WWOX: variants seen among roughly 807,000 people sequenced by gnomAD.
WWOX encodes WW domain-containing oxidoreductase.
WWOX carries 69 observed loss-of-function variants against 46.2 expected under a neutral mutation model. That is an observed-to-expected ratio of 1.49 (90% CI 1.23 to 1.82). WWOX has a LOEUF of 1.82. Among genes scored for constraint, WWOX ranks in the 40% most tolerant of loss-of-function variants. The probability of loss-of-function intolerance (pLI) is 0.00; values close to 1 mark genes in which losing one functional copy is unlikely to be tolerated. For missense variants in WWOX, 919 were observed against 542.6 expected, an observed-to-expected ratio of 1.69 and a Z score of -6.89; for synonymous variants, 359 against 202.6, an observed-to-expected ratio of 1.77 and a Z score of -6.56.
At chr16:79,024,103 A>T (rs1048128794) in intron 8 of WWOX, among the ~76,000 whole-genome samples, 3 of 152,200 alleles carry the variant, frequency 2.0e-5, no homozygotes, top group African/African-American at 7.2e-5. Context: ...GCTGGGAAAG[A>T]GGGGACTAGA....
At chr16:79,173,595 TA>T (rs1028532755) in intron 8 of WWOX, among the ~76,000 whole-genome samples, 2 of 151,154 alleles carry the variant, frequency 1.3e-5, no homozygotes, top group Non-Finnish European at 2.9e-5. Flanking sequence ...CCACTGGAAA[TA>T]ACTATTTCCT....
intron 8 of WWOX, among the ~76,000 whole-genome samples, chr16:78,561,350 C>G (rs1038227578): frequency 6.6e-6 from 1 of 152,152 alleles, no homozygotes; most frequent in Non-Finnish European, 1.5e-5. Flanking sequence ...TGCTTTGAAT[C>G]TCTCTGACTT....
intron 6 of WWOX, among the ~76,000 whole-genome samples, chr16:78,409,964 C>T (rs1395953691): frequency 1.3e-5 from 2 of 152,208 alleles, no homozygotes; most frequent in African/African-American, 4.8e-5. Context: ...ATGTTTTTCT[C>T]CTGCACATGC....
intron 8 of WWOX, among the ~76,000 whole-genome samples, chr16:79,088,660 G>T (rs992940960): frequency 6.6e-6 from 1 of 152,144 alleles, no homozygotes; most frequent in African/African-American, 2.4e-5. Context: ...AACATCTGCA[G>T]GGGGGCTCCT....
chr16:78,136,942 A>G (rs2033813204), intron 4 of WWOX, among the ~76,000 whole-genome samples: 4 of 152,172 alleles, frequency 2.6e-5, no homozygotes, highest in Admixed American at 2.6e-4. Context: ...CAGCATGTTC[A>G]AGACAGTGCA....
At chr16:78,332,796 A>C (rs1246309530) in intron 5 of WWOX, among the ~76,000 whole-genome samples, 1 of 152,146 alleles carries the variant, frequency 6.6e-6, no homozygotes, top group African/African-American at 2.4e-5. Flanking sequence ...CATGGGTTCC[A>C]CAGGAAATAT....
chr16:79,058,261 C>T (rs1054151666), intron 8 of WWOX, among the ~76,000 whole-genome samples: 15 of 152,094 alleles, frequency 9.9e-5, no homozygotes, highest in Admixed American at 6.6e-5. Flanking sequence ...CTTTGCATCT[C>T]TGAGCCTCTA....
intron 8 of WWOX, among the ~76,000 whole-genome samples, chr16:78,934,508 CAAAAAAAAA>C (rs760272326): frequency 4.1e-5 from 3 of 73,906 alleles, no homozygotes; most frequent in Non-Finnish European, 5.0e-5. Flanking sequence ...AACCCTGTAT[CAAAAAAAAA>C]AAAAAAAAAA....
intron 6 of WWOX, among the ~76,000 whole-genome samples, chr16:78,423,296 A>G (rs1424664532): frequency 6.6e-6 from 1 of 152,118 alleles, no homozygotes; most frequent in African/African-American, 2.4e-5. Flanking sequence ...TATAACATAA[A>G]TGTTTTATAA....
chr16:78,266,585 G>T (rs1342936874), intron 5 of WWOX, among the ~76,000 whole-genome samples: 4 of 152,112 alleles, frequency 2.6e-5, no homozygotes, highest in Non-Finnish European at 5.9e-5. Flanking sequence ...GTCTAGTCTT[G>T]GCTCTGTGCT....
intron 6 of WWOX, among the ~76,000 whole-genome samples, chr16:78,401,261 A>G (rs936340315): frequency 6.7e-6 from 1 of 149,480 alleles, no homozygotes; most frequent in African/African-American, 2.5e-5. Flanking sequence ...AATTTAGTGA[A>G]GATAGTAAAT....
At chr16:78,856,659 T>C (rs960068864) in intron 8 of WWOX, among the ~76,000 whole-genome samples, 2 of 151,984 alleles carry the variant, frequency 1.3e-5, no homozygotes, top group Non-Finnish European at 2.9e-5. Flanking sequence ...AGGAAAGAAA[T>C]GGAATAGATC....
intron 8 of WWOX, among the ~76,000 whole-genome samples, chr16:78,655,996 A>T (rs1285998265): frequency 6.6e-6 from 1 of 152,118 alleles, no homozygotes; most frequent in South Asian, 2.1e-4. Context: ...AAAAAGAGAA[A>T]CACAACATTG....
At position 78,115,123 on chromosome 16, in the gene WWOX, G is replaced by C. The variant is rs1050036732; in HGVS notation, c.378G>C (p.Val126=). 24 of 1,614,076 alleles carry C rather than the reference G, an allele frequency of 1.5e-5. No individual in the cohort carries two copies. Among genetic ancestry groups the C allele is most frequent in the Non-Finnish European group, 1.9e-5 (23 of 1,180,046 alleles). Residue 126 remains valine (V), a synonymous_variant, in exon 4 of 9, where the codon GTG becomes GTC. Transcript: ENST00000566780. ...AGGGCCGGGATTTCACTGGCAAAGT[G>C]GTTGTGGTCACTGGAGCTAATTCAG... is the stretch of plus-strand genomic sequence containing the variant. ...ILQGRDFTGK[V]VVVTGANSGI...
At chr16:78,944,420 A>G (rs1438724156) in intron 8 of WWOX, among the ~76,000 whole-genome samples, 2 of 152,206 alleles carry the variant, frequency 1.3e-5, no homozygotes, top group Admixed American at 1.3e-4. Context: ...ATGGAGTCAA[A>G]TTATAAACAG....
At chr16:78,597,393 G>A (rs1486217908) in intron 8 of WWOX, among the ~76,000 whole-genome samples, 1 of 152,108 alleles carries the variant, frequency 6.6e-6, no homozygotes, top group African/African-American at 2.4e-5. Flanking sequence ...TTTACCCATT[G>A]CCATCATTTT....
chr16:78,117,107 C>T (rs923149795), intron 4 of WWOX, among the ~76,000 whole-genome samples: 3 of 152,212 alleles, frequency 2.0e-5, no homozygotes, highest in Admixed American at 6.5e-5. Flanking sequence ...GAATGGCCCT[C>T]ACATGTTGGA....
intron 5 of WWOX, among the ~76,000 whole-genome samples, chr16:78,195,408 T>C (rs948373345): frequency 2.0e-5 from 3 of 152,136 alleles, no homozygotes; most frequent in Non-Finnish European, 4.4e-5. Context: ...TGGGTGATGA[T>C]TGGATGGCTT....
chr16:78,608,301 C>G (rs2045813054), intron 8 of WWOX, among the ~76,000 whole-genome samples: 2 of 152,230 alleles, frequency 1.3e-5, no homozygotes, highest in African/African-American at 4.8e-5. Flanking sequence ...AGTTTCTCTA[C>G]TGCAGAATAA....
Sources: gnomAD v4.1 joint callset for allele counts (sites outside exome capture counted in the v4.1 genomes callset) on GRCh38, gnomAD v4.1.1 for gene constraint, MANE v1.5 for transcripts, NCBI Gene and HGNC (gene_info 2026-07-23, HGNC 2026-07-21) for gene names.